Variants in SMS observed in about 807,000 individuals in gnomAD.
SMS encodes the protein spermine synthase.
Under a neutral mutation model 33.0 loss-of-function variants are expected in SMS, and 3 were observed. The observed-to-expected ratio is 0.09, with a 90% CI of 0.04 to 0.23. The LOEUF (loss-of-function observed/expected upper bound fraction) is 0.23, where lower values mean the gene tolerates loss of function less well. SMS is among the 10% of genes least tolerant of loss of function. SMS has a pLI of 1.00. For synonymous variants in SMS, 103 were observed against 112.2 expected, an observed-to-expected ratio of 0.92 and a Z score of 0.52; for missense variants, 117 against 288.6, an observed-to-expected ratio of 0.41 and a Z score of 4.31.
intron 9 of SMS, 125 bp from the exon 10 acceptor site, chrX:21,992,472 A>G: frequency 2.0e-6 from 1 of 512,598 alleles, no homozygotes; most frequent in South Asian, 2.6e-5. Context: ...CAGAAGCCTT[A>G]TCTTGTTTTT....
chrX:21,985,610 G>A (rs1602221192), intron 9 of SMS, among the ~76,000 whole-genome samples: 1 of 111,618 alleles, frequency 9.0e-6, no homozygotes, highest in Non-Finnish European at 1.9e-5. Context: ...ACATTAATTG[G>A]GGTTAAAAAT....
chrX:21,993,056 A>G (rs1005127594), intron 10 of SMS, among the ~76,000 whole-genome samples: 1 of 111,433 alleles, frequency 9.0e-6, no homozygotes, highest in Non-Finnish European at 1.9e-5. Context: ...CTCAAGCCCC[A>G]CCCCAACCTG....
rs1253826337 is a variant in SMS at position 21,958,640 on chromosome X, A to G, written c.50-8556A>G. Among the ~76,000 whole-genome samples, 8 of 112,436 alleles carry G rather than the reference A, an allele frequency of 7.1e-5. No individual in the cohort carries two copies. In the Admixed American group the frequency reaches 7.5e-4, roughly 11 times the overall value. On this transcript the variant is annotated intron_variant, in intron 1 of 10. Coordinates refer to ENST00000404933, the MANE Select transcript of SMS (RefSeq NM_004595.5). Reference sequence around the variant, plus strand: ...CCCCGCATTCTTCCCAGCCTCTGGCAACCACTAATCTGCTTTACATCTCTA... The same window carrying G: ...CCCCGCATTCTTCCCAGCCTCTGGCGACCACTAATCTGCTTTACATCTCTA...
intron 7 of SMS, among the ~76,000 whole-genome samples, chrX:21,979,710 T>C (rs1350086219): frequency 9.0e-6 from 1 of 110,957 alleles, no homozygotes; most frequent in Non-Finnish European, 1.9e-5. Context: ...ATCCTTTGTA[T>C]GTATACCCAG....
chrX:21,959,944 G>C, intron 1 of SMS: 4 of 753,921 alleles, frequency 5.3e-6, no homozygotes, highest in Non-Finnish European at 6.3e-6. Flanking sequence ...AAGGGGCCGG[G>C]TATAAGCCTG....
chrX:21,990,340 C>T (rs1054459655), intron 9 of SMS, among the ~76,000 whole-genome samples: 8 of 112,392 alleles, frequency 7.1e-5, no homozygotes, highest in South Asian at 3.6e-4. Context: ...CTTAAAACCC[C>T]AGTGTCCTAA....
chrX:21,975,664 G>C (rs1924490844), intron 4 of SMS, among the ~76,000 whole-genome samples: 3 of 111,120 alleles, frequency 2.7e-5, no homozygotes, highest in African/African-American at 9.8e-5. Context: ...AAACCCTCTA[G>C]AATGCCTCAC....
At chrX:21,954,102 T>A (rs1448419074) in intron 1 of SMS, among the ~76,000 whole-genome samples, 3 of 111,721 alleles carry the variant, frequency 2.7e-5, no homozygotes, top group Non-Finnish European at 5.6e-5. Flanking sequence ...TTAGTTATGT[T>A]GGTTGTTAGC....
intron 1 of SMS, among the ~76,000 whole-genome samples, chrX:21,954,336 T>C (rs4824171): frequency 0.54 from 59,722 of 110,572 alleles, 13,005 homozygotes; most frequent in Non-Finnish European, 0.7. Context: ...TTAGCCAGAA[T>C]GCTTTACCAC....
At position 21,978,951 on chromosome X, in the gene SMS, A is replaced by T. The variant is rs879048096; in HGVS notation, c.735A>T (p.Lys245Asn). 2 of 1,172,866 alleles carry T rather than the reference A, an allele frequency of 1.7e-6. No individual in the cohort carries two copies. The highest frequency in any genetic ancestry group is 4.4e-5 in the Admixed American group (2 of 45,768). ...KTCGDVLDNL[K>N]GDCYQVLIED... The stretch of plus-strand genomic sequence containing the variant: ...GTGGCGATGTCTTAGACAATCTTAA[A>T]GGAGACTGCTATCAGGTAATTGTTT... Residue 245 changes from lysine (K) to asparagine (N), a missense_variant, in exon 7 of 11, where the codon AAA becomes AAT. Transcript: ENST00000404933.
chrX:21,953,007 C>T (rs1277600597), intron 1 of SMS, among the ~76,000 whole-genome samples: 3 of 108,704 alleles, frequency 2.8e-5, no homozygotes, highest in Non-Finnish European at 5.7e-5. Flanking sequence ...AAGCAGTTGA[C>T]GCACCTTGGC....
intron 2 of SMS, among the ~76,000 whole-genome samples, chrX:21,969,896 C>T (rs1432537368): frequency 8.8e-6 from 1 of 113,029 alleles, no homozygotes; most frequent in Admixed American, 9.3e-5. Flanking sequence ...CTTACTGCAA[C>T]CTCTGCCTCC....
At chrX:21,984,790 G>C (rs1194374707) in intron 8 of SMS, among the ~76,000 whole-genome samples, 1 of 111,861 alleles carries the variant, frequency 8.9e-6, no homozygotes, top group African/African-American at 3.3e-5. Flanking sequence ...ATCACAGCTA[G>C]TTCGTGTTTT....
intron 1 of SMS, among the ~76,000 whole-genome samples, chrX:21,944,544 A>AAAAAAAAAAAAAGAAAAG (rs1555992699): frequency 2.0e-5 from 2 of 99,050 alleles, no homozygotes; most frequent in African/African-American, 3.8e-5. Context: ...AAAAAAAAAA[A>AAAAAAAAAAAAAGAAAAG]AGAAAAAAAA....
In SMS at chrX:21,977,249, T is replaced by C. The variant is rs755138197; in HGVS notation, c.505+13T>C. The C allele has an allele frequency of 6.0e-6, 7 of 1,174,183 alleles. No homozygotes were observed. The highest frequency in any genetic ancestry group is 8.1e-6 in the Non-Finnish European group (7 of 862,263). On this transcript the variant is annotated intron_variant, in intron 5 of 10. Transcript: ENST00000404933. ...AGTGGGGATGTTAGTAAGTATTCCA[T>C]CCCTGCCCCGATCACGTAACAAAGT...
At chrX:21,941,623 A>T (rs989761667) in intron 1 of SMS, among the ~76,000 whole-genome samples, 2 of 110,407 alleles carry the variant, frequency 1.8e-5, no homozygotes, top group Non-Finnish European at 3.8e-5. Context: ...GCGGTGGCTC[A>T]CGCCTGTAAT....
intron 1 of SMS, among the ~76,000 whole-genome samples, chrX:21,954,009 C>CT (rs1410594764): frequency 5.5e-5 from 6 of 109,658 alleles, no homozygotes; most frequent in Non-Finnish European, 1.1e-4. Context: ...ATTCGGTACT[C>CT]TTAAGTATTC....
intron 1 of SMS, among the ~76,000 whole-genome samples, chrX:21,957,136 G>C: frequency 9.9e-6 from 1 of 101,494 alleles, no homozygotes; most frequent in Non-Finnish European, 2.0e-5. Flanking sequence ...TGGTGGAGGA[G>C]GAGGAGAAAC....
At chrX:21,947,227 A>ACACTTTAATCCCC (rs1221459598) in intron 1 of SMS, among the ~76,000 whole-genome samples, 2 of 111,700 alleles carry the variant, frequency 1.8e-5, no homozygotes, top group Non-Finnish European at 3.8e-5. Flanking sequence ...CTGTCCCACT[A>ACACTTTAATCCCC]CACTTTAATC....
Sources: allele counts gnomAD v4.1 joint callset (sites outside exome capture counted in the v4.1 genomes callset), GRCh38; gene constraint gnomAD v4.1.1; transcripts MANE v1.5; gene names NCBI Gene and HGNC (gene_info 2026-07-23, HGNC 2026-07-21).